The following WWOX variants were observed in gnomAD, a reference collection of about 807,000 sequenced individuals.
The protein encoded by WWOX is WW domain containing oxidoreductase, also known as WW domain-containing oxidoreductase.
WWOX carries 69 observed loss-of-function variants against 46.2 expected under a neutral mutation model. That is an observed-to-expected ratio of 1.49 (90% CI 1.23 to 1.82). The LOEUF is 1.82. Among genes scored for constraint, WWOX ranks in the 40% most tolerant of loss-of-function variants. WWOX has a pLI of 0.00. For synonymous variants in WWOX, 359 were observed against 202.6 expected, an observed-to-expected ratio of 1.77 and a Z score of -6.56; for missense variants, 919 against 542.6, an observed-to-expected ratio of 1.69 and a Z score of -6.89.
intron 8 of WWOX, among the ~76,000 whole-genome samples, chr16:78,769,449 C>G (rs767389167): frequency 9.9e-5 from 15 of 152,108 alleles, no homozygotes; most frequent in Non-Finnish European, 1.0e-4. Flanking sequence ...GTAAACAAAG[C>G]AAAGTCCTTG....
intron 8 of WWOX, among the ~76,000 whole-genome samples, chr16:78,634,876 G>A (rs1001297469): frequency 6.6e-6 from 1 of 151,100 alleles, no homozygotes; most frequent in African/African-American, 2.4e-5. Flanking sequence ...GTGTGTGTGC[G>A]CGTGCATGTG....
intron 5 of WWOX, among the ~76,000 whole-genome samples, chr16:78,318,570 A>G (rs1211050483): frequency 6.6e-6 from 1 of 152,206 alleles, no homozygotes; most frequent in African/African-American, 2.4e-5. Context: ...GGATTCCAGT[A>G]GCTTTGGATA....
intron 8 of WWOX, among the ~76,000 whole-genome samples, chr16:78,862,276 A>G (rs2043904974): frequency 6.6e-6 from 1 of 151,406 alleles, no homozygotes; most frequent in South Asian, 2.1e-4. Context: ...ATACACACCT[A>G]TGGGTGTGTC....
intron 8 of WWOX, among the ~76,000 whole-genome samples, chr16:78,562,658 C>T (rs745635748): frequency 4.6e-5 from 7 of 152,312 alleles, no homozygotes; most frequent in South Asian, 4.1e-4. Flanking sequence ...TGCTCACACT[C>T]GGTCAATACT....
intron 8 of WWOX, among the ~76,000 whole-genome samples, chr16:79,208,998 G>C (rs1172535869): frequency 6.6e-6 from 1 of 152,194 alleles, no homozygotes; most frequent in Non-Finnish European, 1.5e-5. Flanking sequence ...ATTGATTTTT[G>C]GAGTAGAGAA....
chr16:78,547,127 GAAAAAAAAAAAAAAAAAAAA>G (rs199726097), intron 8 of WWOX, among the ~76,000 whole-genome samples: 1 of 87,504 alleles, frequency 1.1e-5, no homozygotes, highest in East Asian at 3.1e-4. Flanking sequence ...CCTTGTCTCA[GAAAAAAAAAAAAAAAAAAAA>G]AAAAAAAAAA....
chr16:78,736,126 A>G (rs772572691), intron 8 of WWOX, among the ~76,000 whole-genome samples: 1 of 152,196 alleles, frequency 6.6e-6, no homozygotes, highest in Non-Finnish European at 1.5e-5. Context: ...GGAAAACAAC[A>G]TAGGAAAGGA....
chr16:78,554,035 C>G (rs2044232697), intron 8 of WWOX, among the ~76,000 whole-genome samples: 1 of 152,062 alleles, frequency 6.6e-6, no homozygotes, highest in South Asian at 2.1e-4. Context: ...AGGGAGGCAA[C>G]AAATCTGAGT....
chr16:78,758,498 C>G (rs2049712897), intron 8 of WWOX, among the ~76,000 whole-genome samples: 1 of 152,226 alleles, frequency 6.6e-6, no homozygotes, highest in South Asian at 2.1e-4. Flanking sequence ...AGGCTTCCCC[C>G]AAGTGTGTTT....
intron 2 of WWOX, among the ~76,000 whole-genome samples, chr16:78,109,134 C>G (rs968044517): frequency 6.6e-6 from 1 of 152,060 alleles, no homozygotes; most frequent in Non-Finnish European, 1.5e-5. Context: ...TTGGAAATTT[C>G]GTAAAGATTA....
At chr16:78,990,593 C>T (rs1229809149) in intron 8 of WWOX, among the ~76,000 whole-genome samples, 4 of 152,016 alleles carry the variant, frequency 2.6e-5, no homozygotes, top group African/African-American at 7.3e-5. Flanking sequence ...CCATCACCAC[C>T]CAAGTTGTAA....
At chr16:78,932,368 A>G (rs2045642005) in intron 8 of WWOX, among the ~76,000 whole-genome samples, 1 of 152,082 alleles carries the variant, frequency 6.6e-6, no homozygotes, top group Admixed American at 6.5e-5. Context: ...CCGTTTTTCC[A>G]CCCTGGTGTT....
At chr16:78,309,388 CT>C (rs1276685726) in intron 5 of WWOX, among the ~76,000 whole-genome samples, 2 of 152,190 alleles carry the variant, frequency 1.3e-5, no homozygotes, top group Non-Finnish European at 2.9e-5. Context: ...AATTAAACAT[CT>C]TGCCTTTATA....
chr16:78,672,859 G>A (rs1201193558), intron 8 of WWOX, among the ~76,000 whole-genome samples: 3 of 152,234 alleles, frequency 2.0e-5, no homozygotes, highest in East Asian at 1.9e-4. Context: ...TAGAATCATC[G>A]CCTTGGTGAT....
At chr16:78,100,125 T>C (rs2031663261) in intron 1 of WWOX, 1 of 1,345,970 alleles carries the variant, frequency 7.4e-7, no homozygotes, top group Non-Finnish European at 9.5e-7. Flanking sequence ...CTGTTCAGGA[T>C]GCAGCACTGC....
intron 8 of WWOX, among the ~76,000 whole-genome samples, chr16:79,179,321 A>G (rs544689777): frequency 2.6e-4 from 39 of 152,180 alleles, no homozygotes; most frequent in Admixed American, 1.0e-3. Context: ...GTTTCCTCTG[A>G]AACCAGCCAT....
At position 78,943,333 on chromosome 16, in the gene WWOX, A is replaced by AG. The variant is rs1381154631; in HGVS notation, c.1057-268275_1057-268274insG. On this transcript the variant is annotated intron_variant, in intron 8 of 8. Transcript: ENST00000566780. ...GAGTAAAAAGCAACCCGAGATCCAA[A>AG]CCCTTTGGCATTCAAGATTACACTC... Among the ~76,000 whole-genome samples the AG allele has an allele frequency of 2.1e-3, 307 of 147,634 alleles. 1 individual carries two copies. The highest frequency in any genetic ancestry group is 8.0e-3 in the African/African-American group (298 of 37,152).
At chr16:78,336,471 A>G (rs2080890390) in intron 5 of WWOX, among the ~76,000 whole-genome samples, 1 of 140,490 alleles carries the variant, frequency 7.1e-6, no homozygotes, top group East Asian at 2.1e-4. Flanking sequence ...TCACCACTGC[A>G]CTCTAGCCTG....
intron 8 of WWOX, among the ~76,000 whole-genome samples, chr16:78,791,224 C>T (rs548949294): frequency 1.3e-5 from 2 of 152,028 alleles, no homozygotes; most frequent in East Asian, 2.0e-4. Flanking sequence ...AGGGCGGCCT[C>T]ATGAACTCAT....
Sources: gnomAD v4.1 joint callset for allele counts (sites outside exome capture counted in the v4.1 genomes callset) on GRCh38, gnomAD v4.1.1 for gene constraint, MANE v1.5 for transcripts, NCBI Gene and HGNC (gene_info 2026-07-23, HGNC 2026-07-21) for gene names.